Variants in SLC8A2 observed in about 807,000 individuals in gnomAD.
SLC8A2 encodes the protein sodium/calcium exchanger 2.
In SLC8A2, 14 loss-of-function variants were observed where a neutral mutation model predicts 70.2. The ratio of observed to expected loss-of-function variants is 0.20; its 90% CI spans 0.13 to 0.31. SLC8A2 has a LOEUF of 0.31. Among genes scored for constraint, SLC8A2 ranks in the 10% least tolerant of loss-of-function variants. The pLI, the probability that SLC8A2 is intolerant of heterozygous loss-of-function variation, is 1.00. For missense variants in SLC8A2, 779 were observed against 1,320.1 expected, an observed-to-expected ratio of 0.59 and a Z score of 6.35; for synonymous variants, 575 against 594.3, an observed-to-expected ratio of 0.97 and a Z score of 0.47.
chr19:47,454,528 T>C (rs575093027), intron 3 of SLC8A2, among the ~76,000 whole-genome samples: 18 of 152,250 alleles, frequency 1.2e-4, no homozygotes, highest in African/African-American at 4.1e-4. Flanking sequence ...ACCATGCACC[T>C]GTAGTCCCAG....
At chr19:47,462,361 T>C (rs1246478057) in intron 2 of SLC8A2, among the ~76,000 whole-genome samples, 3 of 151,832 alleles carry the variant, frequency 2.0e-5, no homozygotes, top group African/African-American at 2.4e-5. Flanking sequence ...GCCTCCCGGG[T>C]TCAAGCGATT....
chr19:47,437,938 C>A lies in SLC8A2; in HGVS notation c.1921G>T (p.Glu641Ter). The change falls in exon 7 of 10, where the codon GAG becomes TAG. Residue 641 changes from glutamate (E) to a stop codon, truncating the protein, a stop_gained. Coordinates refer to ENST00000236877, the MANE Select transcript of SLC8A2 (RefSeq NM_015063.3). LOFTEE classifies it high-confidence loss of function. Reference sequence around the variant, plus strand: ...CCCATCTCTGCTATCCTCCGAGCCTCCTCCTCCTCGGCTGTTAGCTTCCTG... The same window carrying A: ...CCCATCTCTGCTATCCTCCGAGCCTACTCCTCCTCGGCTGTTAGCTTCCTG... ...GDRKLTAEEEEARRIAEMGKP... is the reference protein window; with the variant it reads ...GDRKLTAEEE 6.2e-7 allele frequency: 1 copy of A among 1,614,174 alleles called. No homozygotes were observed. The highest frequency in any genetic ancestry group is 8.5e-7 in the Non-Finnish European group (1 of 1,180,018).
intron 1 of SLC8A2, among the ~76,000 whole-genome samples, chr19:47,470,479 C>G (rs1291192423): frequency 1.3e-5 from 2 of 152,032 alleles, no homozygotes; most frequent in African/African-American, 4.8e-5. Flanking sequence ...GGAAGGCAGA[C>G]AGTGTGTTGG....
At chr19:47,450,611 G>A (rs1967222546) in intron 3 of SLC8A2, among the ~76,000 whole-genome samples, 1 of 152,138 alleles carries the variant, frequency 6.6e-6, no homozygotes, top group African/African-American at 2.4e-5. Flanking sequence ...GAGGTAGGGG[G>A]CATAGAACCT....
intron 8 of SLC8A2, among the ~76,000 whole-genome samples, chr19:47,433,094 T>A (rs1217793833): frequency 6.6e-6 from 1 of 152,184 alleles, no homozygotes; most frequent in Non-Finnish European, 1.5e-5. Context: ...GGAAGCCACA[T>A]CTGCCCAGCT....
At chr19:47,455,126 G>A (rs1967289175) in intron 3 of SLC8A2, among the ~76,000 whole-genome samples, 1 of 151,994 alleles carries the variant, frequency 6.6e-6, no homozygotes, top group Admixed American at 6.6e-5. Context: ...GAGTAGAGGA[G>A]AGAGAGGAGA....
Position 47,466,413 on chromosome 19 carries a change from T to C in SLC8A2, c.-10A>G. 8.4e-7 allele frequency: 1 copy of C among 1,196,158 alleles called. No individual in the cohort carries two copies. Among genetic ancestry groups the C allele is most frequent in the Non-Finnish European group, 1.1e-6 (1 of 882,688 alleles). The allele number at this position is 1,196,158 out of a possible 1,614,324, so 74.1% of individuals were successfully genotyped here. A position where few individuals can be genotyped will look rare whatever the true frequency, so the allele number is the denominator to read the frequency against. On this transcript the variant is annotated 5_prime_UTR_variant, in exon 2 of 10. Transcript: ENST00000236877. The surrounding 1 kb of genome is among the most constrained non-coding windows in gnomAD (Gnocchi z 6.9). ...AGGCCAGGGGAGCCATGGGGGGTGG[T>C]GGGGTCCTATGGGGGAGGAGGAGGA... is the stretch of plus-strand genomic sequence containing the variant.
At chr19:47,464,300 T>TG (rs1296084495) in intron 2 of SLC8A2, among the ~76,000 whole-genome samples, 3 of 151,888 alleles carry the variant, frequency 2.0e-5, no homozygotes, top group Admixed American at 6.6e-5. Context: ...TTAGTAGAGA[T>TG]GGGGTTTCAC....
At chr19:47,460,644 C>G (rs552985687) in intron 2 of SLC8A2, among the ~76,000 whole-genome samples, 1 of 151,552 alleles carries the variant, frequency 6.6e-6, no homozygotes, top group South Asian at 2.1e-4. Flanking sequence ...TTGCAGTGAG[C>G]CGAGATCACG....
In SLC8A2 at chr19:47,466,089, C is replaced by T; in HGVS notation, c.315G>A (p.Lys105=). The T allele has an allele frequency of 6.2e-7, 1 of 1,614,222 alleles. No homozygotes were observed. Among genetic ancestry groups the T allele is most frequent in the East Asian group, 2.2e-5 (1 of 44,886 alleles). The change falls in exon 2 of 10, where the codon AAG becomes AAA. Residue 105 remains lysine, a synonymous_variant. Coordinates refer to ENST00000236877, the MANE Select transcript of SLC8A2 (RefSeq NM_015063.3). This position sits in a 1 kb window ranked among gnomAD's most constrained non-coding sequence, Gnocchi z 6.9. The part of the protein sequence containing the change: ...AAIEVITSKE[K]EITITKANGE... ...CGTTGGCCTTGGTGATGGTGATCTCCTTCTCTTTTGACGTGATGACCTCGA... is the reference window on the plus strand; with the variant it reads ...CGTTGGCCTTGGTGATGGTGATCTCTTTCTCTTTTGACGTGATGACCTCGA...
rs1397089766 is a variant in SLC8A2 at position 47,429,292 on chromosome 19, C to G, written c.*797G>C. 1 of 152,710 alleles carries G rather than the reference C, an allele frequency of 6.5e-6. No homozygotes were observed. The highest frequency in any genetic ancestry group is 6.5e-5 in the Admixed American group (1 of 15,278). The allele number at this position is 152,710 out of a possible 1,614,324, so 9.5% of individuals were successfully genotyped here. On this transcript the variant is annotated 3_prime_UTR_variant, in exon 10 of 10. Coordinates refer to ENST00000236877, the MANE Select transcript of SLC8A2 (RefSeq NM_015063.3). ...GCACCCTCCCGCGTCCCCCCTCCCC[C>G]AAACACACTATATACACACACAAGC...
At chr19:47,441,312 C>T in intron 5 of SLC8A2, 25 bp downstream of exon 5, 1 of 1,594,362 alleles carries the variant, frequency 6.3e-7, no homozygotes, top group Non-Finnish European at 8.6e-7. Context: ...CTTACTTCTC[C>T]CACAGCCCAC....
Position 47,457,178 on chromosome 19 carries a change from G to A in SLC8A2, c.1092C>T (p.Ala364=), listed in dbSNP as rs1391167118. The stretch of plus-strand genomic sequence containing the variant: ...CCGCGTGTCTGCGCAGCACGTTCCC[G>A]GCGCCGGTCATCAGCCGCGTGGCCT... ...RIQATRLMTG[A]GNVLRRHAAD... Residue 364 remains alanine (A), a synonymous_variant, in exon 3 of 10, where the codon GCC becomes GCT. Coordinates refer to ENST00000236877, the MANE Select transcript of SLC8A2 (RefSeq NM_015063.3). 3 of 1,544,246 alleles carry A rather than the reference G, an allele frequency of 1.9e-6. No homozygotes were observed. The highest frequency in any genetic ancestry group is 4.0e-5 in the Admixed American group (2 of 50,518).
intron 4 of SLC8A2, among the ~76,000 whole-genome samples, chr19:47,444,782 A>G (rs969482714): frequency 6.6e-6 from 1 of 152,142 alleles, no homozygotes; most frequent in African/African-American, 2.4e-5. Context: ...CTAGACCAAG[A>G]CAGGACTTCC....
At position 47,465,829 on chromosome 19, in the gene SLC8A2, A is replaced by T. The variant is rs759454334; in HGVS notation, c.575T>A (p.Ile192Asn). 6.8e-6 allele frequency: 11 copies of T among 1,614,196 alleles called. No individual in the cohort carries two copies. Among genetic ancestry groups the T allele is most frequent in the Non-Finnish European group, 9.3e-6 (11 of 1,180,038 alleles). ...GACAAAGAAGACTCTCAGGTGCTTG[A>T]TCTTGCGGCTCTCGCCGGCTGGGAT... ...YVIPAGESRK[I>N]KHLRVFFVTA... is the part of the protein sequence containing the mutation. Residue 192 changes from isoleucine (I) to asparagine (N), a missense_variant, in exon 2 of 10, where the codon ATC becomes AAC. Physicochemically the swap from Ile to Asn is moderately radical, Grantham distance 149. This residue lies in a region of SLC8A2 where 155 missense variants were observed against 318.6 expected (regional missense o/e 0.49). Coordinates refer to ENST00000236877, the MANE Select transcript of SLC8A2 (RefSeq NM_015063.3). The surrounding 1 kb of genome is among the most constrained non-coding windows in gnomAD (Gnocchi z 5.5).
At chr19:47,471,544 C>T (rs912756630) in intron 1 of SLC8A2, among the ~76,000 whole-genome samples, 2 of 151,956 alleles carry the variant, frequency 1.3e-5, no homozygotes, top group African/African-American at 4.8e-5. Flanking sequence ...GGTGTCCTCG[C>T]CCCCCAGTAC....
rs142288282 is a variant in SLC8A2, at chr19:47,468,076, C to T, written c.-16-1657G>A. Reference sequence around the variant, plus strand: ...TCATCCCCCTACTGTTCAGAACCCCCGCCAGCTCCCATCTCACTCACAGCA... The same window carrying T: ...TCATCCCCCTACTGTTCAGAACCCCTGCCAGCTCCCATCTCACTCACAGCA... On this transcript the variant is annotated intron_variant, in intron 1 of 9. Transcript: ENST00000236877. This position sits in a 1 kb window ranked among gnomAD's most constrained non-coding sequence, Gnocchi z 5.1. Among the ~76,000 whole-genome samples, 33 of 151,882 alleles carry T rather than the reference C, an allele frequency of 2.2e-4. No homozygotes were observed. The East Asian group carries it at 5.1e-3, about 23-fold the overall frequency.
At chr19:47,456,508 G>A (rs1345203860) in intron 3 of SLC8A2, among the ~76,000 whole-genome samples, 4 of 152,088 alleles carry the variant, frequency 2.6e-5, no homozygotes, top group African/African-American at 7.2e-5. Flanking sequence ...TCTACTAAAA[G>A]TACAAAAATA....
rs759144342 is a variant in SLC8A2, at chr19:47,441,428, C to T, written c.1776G>A (p.Gln592=). The change falls in exon 5 of 10, where the codon CAG becomes CAA. Residue 592 remains glutamine, a synonymous_variant. Transcript: ENST00000236877. ...ATTCCTCGTCATCAACTATCTTCAC[C>T]TGAAGAGTTTTCCTGTGCAGGGGGT... The part of the protein sequence containing the change: ...FGDDETMKTL[Q]VKIVDDEEYE... 1.2e-6 allele frequency: 2 copies of T among 1,610,792 alleles called. No individual in the cohort carries two copies. Among genetic ancestry groups the T allele is most frequent in the East Asian group, 4.5e-5 (2 of 44,854 alleles).
Sources: gnomAD v4.1 joint callset for allele counts (sites outside exome capture counted in the v4.1 genomes callset) on GRCh38, gnomAD v4.1.1 for gene constraint, gnomAD v4.1.1 regional missense constraint, Gnocchi (gnomAD v3.1) non-coding constraint, MANE v1.5 for transcripts, NCBI Gene and HGNC (gene_info 2026-07-23, HGNC 2026-07-21) for gene names.